The following SPAG16 variants were observed in gnomAD, a reference collection of about 807,000 sequenced individuals.
The protein encoded by SPAG16 is sperm-associated antigen 16 protein.
In SPAG16, 86 loss-of-function variants were observed where a neutral mutation model predicts 80.4. The observed-to-expected ratio is 1.07, with a 90% CI of 0.90 to 1.28. The LOEUF (loss-of-function observed/expected upper bound fraction) is 1.28. SPAG16 is among the 50% of genes most tolerant of loss of function. The pLI is 0.00. For missense variants in SPAG16, 870 were observed against 765.3 expected, an observed-to-expected ratio of 1.14 and a Z score of -1.61; for synonymous variants, 294 against 265.9, an observed-to-expected ratio of 1.11 and a Z score of -1.03.
At chr2:213,417,211 C>T (rs1181687246) in intron 9 of SPAG16, among the ~76,000 whole-genome samples, 1 of 144,704 alleles carries the variant, frequency 6.9e-6, no homozygotes, top group Non-Finnish European at 1.5e-5. Context: ...TACAGACACA[C>T]ACACACACAC....
chr2:213,831,415 T>C (rs1184810913), intron 10 of SPAG16, among the ~76,000 whole-genome samples: 1 of 24,472 alleles, frequency 4.1e-5, no homozygotes, highest in Non-Finnish European at 1.7e-4. Context: ...ATTCAGGTGT[T>C]TTTTTTTTTT....
intron 15 of SPAG16, among the ~76,000 whole-genome samples, chr2:214,230,254 C>A (rs893329537): frequency 6.6e-6 from 1 of 151,806 alleles, no homozygotes; most frequent in Admixed American, 6.6e-5. Flanking sequence ...TCTACATTAA[C>A]CAAAATGTAT....
chr2:213,890,585 A>T (rs916119441), intron 11 of SPAG16, among the ~76,000 whole-genome samples: 6 of 88,340 alleles, frequency 6.8e-5, no homozygotes, highest in Non-Finnish European at 1.2e-4. Context: ...ATAATTAAAG[A>T]TGACTGTTAT....
chr2:213,698,740 T>TC (rs1367129219), intron 10 of SPAG16, among the ~76,000 whole-genome samples: 1 of 152,232 alleles, frequency 6.6e-6, no homozygotes, highest in Non-Finnish European at 1.5e-5. Flanking sequence ...AGACAGGCTC[T>TC]CTTGTCCTGC....
intron 10 of SPAG16, among the ~76,000 whole-genome samples, chr2:213,734,162 T>G (rs4672682): frequency 0.92 from 140,744 of 152,194 alleles, 66,123 homozygotes; most frequent in East Asian, 1. Context: ...CCTAACAGTT[T>G]TCATTCTTGA....
At chr2:214,337,324 G>C (rs1697370298) in intron 15 of SPAG16, among the ~76,000 whole-genome samples, 1 of 152,086 alleles carries the variant, frequency 6.6e-6, no homozygotes, top group African/African-American at 2.4e-5. Context: ...TCTTAACCCT[G>C]ACCTAACCAT....
At chr2:214,407,115 G>A (rs1004149015) in intron 15 of SPAG16, among the ~76,000 whole-genome samples, 1 of 151,818 alleles carries the variant, frequency 6.6e-6, no homozygotes, top group African/African-American at 2.4e-5. Flanking sequence ...ACATTTATCT[G>A]TATTTTAAAA....
intron 10 of SPAG16, among the ~76,000 whole-genome samples, chr2:213,817,369 C>T (rs548015958): frequency 3.3e-5 from 5 of 151,198 alleles, no homozygotes; most frequent in African/African-American, 9.7e-5. Flanking sequence ...CAGAGAAACA[C>T]TATATACACT....
chr2:213,783,308 A>G (rs1455522233), intron 10 of SPAG16, among the ~76,000 whole-genome samples: 1 of 58,874 alleles, frequency 1.7e-5, no homozygotes, highest in Non-Finnish European at 3.6e-5. Context: ...CCTAAAACTT[A>G]GAGTATAATA....
intron 10 of SPAG16, among the ~76,000 whole-genome samples, chr2:213,674,778 C>T (rs1053072067): frequency 7.3e-5 from 11 of 150,364 alleles, no homozygotes; most frequent in Non-Finnish European, 1.3e-4. Flanking sequence ...TTAATCCAGT[C>T]TATCATTGTT....
intron 10 of SPAG16, among the ~76,000 whole-genome samples, chr2:213,708,504 C>G (rs990285064): frequency 2.0e-5 from 3 of 151,890 alleles, no homozygotes; most frequent in Non-Finnish European, 4.4e-5. Flanking sequence ...GAGTTCAAGA[C>G]CAGCCTGGGC....
chr2:213,453,271 A>C (rs1419816680), intron 9 of SPAG16, among the ~76,000 whole-genome samples: 2 of 152,102 alleles, frequency 1.3e-5, no homozygotes, highest in South Asian at 2.1e-4. Context: ...AACCTCTCAT[A>C]GTGTCTGGTT....
intron 15 of SPAG16, among the ~76,000 whole-genome samples, chr2:214,305,418 T>G (rs563168138): frequency 5.0e-4 from 76 of 152,336 alleles, no homozygotes; most frequent in Admixed American, 1.2e-3. Flanking sequence ...TGCAATTGCT[T>G]TTGGTGTCTT....
chr2:214,165,984 G>C (rs1255780894), intron 15 of SPAG16, among the ~76,000 whole-genome samples: 1 of 149,056 alleles, frequency 6.7e-6, no homozygotes, highest in Non-Finnish European at 1.5e-5. Flanking sequence ...ATCAGGAAAA[G>C]ATAATCACTG....
rs762154828 is a variant in SPAG16 at position 213,350,587 on chromosome 2, A to G, written c.704A>G (p.His235Arg). Residue 235 changes from histidine to arginine, a missense_variant, in exon 7 of 16, where the codon CAC (histidine) becomes CGC (arginine). By Grantham distance (29) the His-to-Arg change is conservative. Transcript: ENST00000331683. ...ATAAGGGTGTTACATGAGAAACACC[A>G]CACTTTACTGAAGGAGAAAATGCTG... ...PTIRVLHEKH[H>R]TLLKEKMLTS... 3 of 1,605,010 alleles carry G rather than the reference A, an allele frequency of 1.9e-6. No individual in the cohort carries two copies. Among genetic ancestry groups the G allele is most frequent in the Middle Eastern group, 1.7e-4 (1 of 6,018 alleles).
chr2:213,780,457 T>C (rs2069871817), intron 10 of SPAG16, among the ~76,000 whole-genome samples: 1 of 152,174 alleles, frequency 6.6e-6, no homozygotes, highest in Admixed American at 6.5e-5. Context: ...TTATTATTCC[T>C]ATTTTCTGGA....
At chr2:213,539,665 G>A (rs563594319) in intron 10 of SPAG16, among the ~76,000 whole-genome samples, 6 of 152,120 alleles carry the variant, frequency 3.9e-5, no homozygotes, top group African/African-American at 1.4e-4. Flanking sequence ...TGTTACAACC[G>A]AACAAAAAGT....
In SPAG16 at chr2:213,310,056, CA is replaced by C; in HGVS notation, c.280-2del. 1 of 1,580,638 alleles carries C rather than the reference CA, an allele frequency of 6.3e-7. No individual in the cohort carries two copies. The highest frequency in any genetic ancestry group is 8.7e-7 in the Non-Finnish European group (1 of 1,155,626). On this transcript the variant is annotated splice_acceptor_variant, in intron 3 of 15. Coordinates refer to ENST00000331683, the MANE Select transcript of SPAG16 (RefSeq NM_024532.5). LOFTEE classifies it high-confidence loss of function. ...AATAAATAAATGCACGTTTAAATTT[CA>C]GGAACGGAAAACAGTTCTTCCTTCA...
Position 213,592,794 on chromosome 2 carries a change from C to T in SPAG16, c.1070+102704C>T, listed in dbSNP as rs77111684. Among the ~76,000 whole-genome samples, 1,347 of 152,280 alleles carry T rather than the reference C, an allele frequency of 8.8e-3. 18 individuals are homozygous for T. The highest frequency in any genetic ancestry group is 0.031 in the African/African-American group (1,271 of 41,550). ...CAATTTGACGTTGATGCAAATGACCCTAAATGGTGTGATCACTTCGTCAGA... is the reference window on the plus strand; with the variant it reads ...CAATTTGACGTTGATGCAAATGACCTTAAATGGTGTGATCACTTCGTCAGA... On this transcript the variant is annotated intron_variant, in intron 10 of 15. Transcript: ENST00000331683.
Sources: gnomAD v4.1 joint callset for allele counts (sites outside exome capture counted in the v4.1 genomes callset) on GRCh38, gnomAD v4.1.1 for gene constraint, MANE v1.5 for transcripts, NCBI Gene and HGNC (gene_info 2026-07-23, HGNC 2026-07-21) for gene names.